Variants in PTPRG observed in about 807,000 individuals in gnomAD.
PTPRG encodes the protein receptor-type tyrosine-protein phosphatase gamma.
A neutral mutation model predicts 165.3 loss-of-function variants in PTPRG; 102 were observed. That is an observed-to-expected ratio of 0.62 (90% CI 0.53 to 0.73). PTPRG has a LOEUF of 0.73. PTPRG is among the 30% of genes least tolerant of loss of function. PTPRG has a pLI of 0.00. For synonymous variants in PTPRG, 675 were observed against 669.5 expected (o/e 1.01, Z -0.13); for missense variants, 1,866 against 1,861.4 (o/e 1.00, Z -0.05).
intron 3 of PTPRG, among the ~76,000 whole-genome samples, chr3:61,999,398 C>T (rs542634869): frequency 1.3e-5 from 2 of 152,268 alleles, no homozygotes; most frequent in African/African-American, 4.8e-5. Context: ...GTTCCACCCT[C>T]ATGGCCTAAT....
At chr3:61,884,377 T>C (rs1395372151) in intron 2 of PTPRG, among the ~76,000 whole-genome samples, 1 of 152,196 alleles carries the variant, frequency 6.6e-6, no homozygotes, top group Non-Finnish European at 1.5e-5. Flanking sequence ...GGGTCAGCCC[T>C]CAGGGAATTG....
chr3:62,069,866 G>T (rs1185356673), intron 4 of PTPRG, among the ~76,000 whole-genome samples: 1 of 152,078 alleles, frequency 6.6e-6, no homozygotes. Context: ...CTCTTAAAAA[G>T]ACCTCAGGTC....
chr3:61,697,879 A>G (rs906040269), intron 1 of PTPRG, among the ~76,000 whole-genome samples: 5 of 152,282 alleles, frequency 3.3e-5, no homozygotes, highest in African/African-American at 1.2e-4. Context: ...CAGTTTGAGC[A>G]CACATAAACA....
chr3:61,961,518 C>T (rs1012419216), intron 2 of PTPRG, among the ~76,000 whole-genome samples: 2 of 152,216 alleles, frequency 1.3e-5, no homozygotes, highest in South Asian at 2.1e-4. Context: ...TCTGTTTGGT[C>T]CCCTAAATAA....
In PTPRG at chr3:62,043,017, C is replaced by A. The variant is rs186625146; in HGVS notation, c.520-35146C>A. Among the ~76,000 whole-genome samples, 3 of 152,016 alleles carry A rather than the reference C, an allele frequency of 2.0e-5. No homozygotes were observed. The East Asian group carries it at 5.8e-4, about 29-fold the overall frequency. On this transcript the variant is annotated intron_variant, in intron 4 of 29. Coordinates refer to ENST00000474889, the MANE Select transcript of PTPRG (RefSeq NM_002841.4). ...AATAAATTTCCAACTGGAAGGTACTCTTTAGGGTACAATTTTTTTTATTAA... is the reference window on the plus strand; with the variant it reads ...AATAAATTTCCAACTGGAAGGTACTATTTAGGGTACAATTTTTTTTATTAA...
chr3:62,180,314 G>A (rs753307091), intron 8 of PTPRG, among the ~76,000 whole-genome samples: 4 of 152,116 alleles, frequency 2.6e-5, no homozygotes, highest in Non-Finnish European at 4.4e-5. Flanking sequence ...TAGGTGACCC[G>A]CTGTTTCTTC....
At chr3:61,961,943 C>G (rs1055866458) in intron 2 of PTPRG, among the ~76,000 whole-genome samples, 2 of 152,108 alleles carry the variant, frequency 1.3e-5, no homozygotes, top group African/African-American at 2.4e-5. Context: ...GCTCTGCACT[C>G]CCCAGTTACA....
chr3:62,182,849 G>T (rs1424459745), intron 8 of PTPRG, among the ~76,000 whole-genome samples: 3 of 152,138 alleles, frequency 2.0e-5, no homozygotes, highest in Non-Finnish European at 2.9e-5. Flanking sequence ...TAGAGACGGG[G>T]TTTCACCATG....
intron 4 of PTPRG, among the ~76,000 whole-genome samples, chr3:62,041,698 A>G (rs574453652): frequency 6.6e-6 from 1 of 152,184 alleles, no homozygotes. Context: ...TCCACCTGCA[A>G]AATCTTCTAT....
intron 1 of PTPRG, among the ~76,000 whole-genome samples, chr3:61,675,214 T>G (rs1334840099): frequency 6.6e-6 from 1 of 152,226 alleles, no homozygotes; most frequent in Non-Finnish European, 1.5e-5. Flanking sequence ...TTTTTTCCCC[T>G]TAATGATACA....
intron 4 of PTPRG, among the ~76,000 whole-genome samples, chr3:62,022,954 C>T (rs2107764352): frequency 6.6e-6 from 1 of 151,914 alleles, no homozygotes; most frequent in Non-Finnish European, 1.5e-5. Context: ...AAAATTTGTT[C>T]TTCAATTGTC....
intron 1 of PTPRG, among the ~76,000 whole-genome samples, chr3:61,644,026 G>A (rs547276577): frequency 6.6e-6 from 1 of 152,176 alleles, no homozygotes; most frequent in Non-Finnish European, 1.5e-5. Context: ...TAACAGAGAC[G>A]ATCACAATCA....
chr3:61,878,981 A>G (rs2037815900), intron 2 of PTPRG, among the ~76,000 whole-genome samples: 1 of 152,248 alleles, frequency 6.6e-6, no homozygotes, highest in African/African-American at 2.4e-5. Context: ...CTTTGTAAGT[A>G]CTTCTATATA....
intron 5 of PTPRG, among the ~76,000 whole-genome samples, chr3:62,101,858 C>T (rs1350769203): frequency 6.6e-6 from 1 of 152,202 alleles, no homozygotes; most frequent in Non-Finnish European, 1.5e-5. Flanking sequence ...CCAATTTGCA[C>T]TCCCATCAAG....
chr3:61,904,621 C>T (rs1175190576), intron 2 of PTPRG, among the ~76,000 whole-genome samples: 1 of 152,124 alleles, frequency 6.6e-6, no homozygotes, highest in South Asian at 2.1e-4. Context: ...CTTTCTAACT[C>T]TTACATAACA....
chr3:61,900,786 G>T (rs1463860789), intron 2 of PTPRG, among the ~76,000 whole-genome samples: 1 of 151,984 alleles, frequency 6.6e-6, no homozygotes, highest in African/African-American at 2.4e-5. Context: ...CTATATGTGT[G>T]TACTGTAGTT....
intron 2 of PTPRG, among the ~76,000 whole-genome samples, chr3:61,906,808 T>C (rs1027410421): frequency 6.6e-6 from 1 of 151,602 alleles, no homozygotes; most frequent in African/African-American, 2.4e-5. Context: ...GGTAGGTAGG[T>C]AGGTAGGTAG....
chr3:62,202,086 C>T (rs1700108020), intron 11 of PTPRG, among the ~76,000 whole-genome samples: 1 of 152,104 alleles, frequency 6.6e-6, no homozygotes, highest in South Asian at 2.1e-4. Flanking sequence ...AGGCAGCCCA[C>T]AAGGTCAGTG....
At chr3:61,754,319 C>T (rs2033559554) in intron 2 of PTPRG, among the ~76,000 whole-genome samples, 1 of 152,194 alleles carries the variant, frequency 6.6e-6, no homozygotes, top group Non-Finnish European at 1.5e-5. Context: ...ATATTGGCAC[C>T]TGTAGTATGT....
Sources: gnomAD v4.1 joint callset for allele counts (sites outside exome capture counted in the v4.1 genomes callset) on GRCh38, gnomAD v4.1.1 for gene constraint, MANE v1.5 for transcripts, NCBI Gene and HGNC (gene_info 2026-07-23, HGNC 2026-07-21) for gene names.